Variants in ITFG1 observed in about 807,000 individuals in gnomAD.
The protein encoded by ITFG1 is T-cell immunomodulatory protein.
A neutral mutation model predicts 81.8 loss-of-function variants in ITFG1; 34 were observed. The ratio of observed to expected loss-of-function variants is 0.42; its 90% CI spans 0.32 to 0.55. ITFG1 has a LOEUF of 0.55. Ranked by LOEUF, ITFG1 falls within the 20% of genes least tolerant of loss-of-function variation. The probability of loss-of-function intolerance (pLI) is 0.17; values close to 1 mark genes in which losing one functional copy is unlikely to be tolerated. For synonymous variants in ITFG1, 285 were observed against 270.6 expected, an observed-to-expected ratio of 1.05 and a Z score of -0.52; for missense variants, 672 against 755.4, an observed-to-expected ratio of 0.89 and a Z score of 1.29.
intron 14 of ITFG1, among the ~76,000 whole-genome samples, chr16:47,212,043 G>A (rs1349541450): frequency 6.6e-6 from 1 of 151,434 alleles, no homozygotes; most frequent in South Asian, 2.1e-4. Context: ...TTGCAGGCAT[G>A]GGCTACCATG....
At chr16:47,307,010 C>T (rs1444939398) in intron 10 of ITFG1, among the ~76,000 whole-genome samples, 3 of 133,624 alleles carry the variant, frequency 2.2e-5, no homozygotes, top group Admixed American at 8.8e-5. Flanking sequence ...AGGAGAACGG[C>T]GTGAACCCGG....
At chr16:47,257,764 G>A (rs1596841011) in intron 12 of ITFG1, among the ~76,000 whole-genome samples, 1 of 152,146 alleles carries the variant, frequency 6.6e-6, no homozygotes, top group Non-Finnish European at 1.5e-5. Context: ...GAGAGAACCT[G>A]GAAGAAATGA....
In ITFG1 at chr16:47,258,758, A is replaced by G. The variant is rs181509791; in HGVS notation, c.1222-18T>C. 4 of 1,239,838 alleles carry G rather than the reference A, an allele frequency of 3.2e-6. No individual in the cohort carries two copies. The highest frequency in any genetic ancestry group is 2.3e-6 in the Non-Finnish European group (2 of 886,566). 76.8% of individuals were successfully genotyped at this position (1,239,838 alleles called of 1,614,324 possible). ...AAGATTCCCTGGAAAAAAACAAACAAAAATGGTAAGAACAAACTATTAGAC... is the reference window on the plus strand; with the variant it reads ...AAGATTCCCTGGAAAAAAACAAACAGAAATGGTAAGAACAAACTATTAGAC... On this transcript the variant is annotated intron_variant, in intron 11 of 17. Coordinates refer to ENST00000320640, the MANE Select transcript of ITFG1 (RefSeq NM_030790.5).
intron 5 of ITFG1, among the ~76,000 whole-genome samples, chr16:47,443,385 G>A (rs1222298864): frequency 6.6e-6 from 1 of 151,974 alleles, no homozygotes; most frequent in Non-Finnish European, 1.5e-5. Context: ...TGACCCAGAC[G>A]TCCCATTACT....
intron 6 of ITFG1, among the ~76,000 whole-genome samples, chr16:47,387,792 A>G (rs994267756): frequency 6.6e-6 from 1 of 152,234 alleles, no homozygotes; most frequent in Non-Finnish European, 1.5e-5. Context: ...CCAATAAAAA[A>G]TTATGAGACC....
intron 6 of ITFG1, among the ~76,000 whole-genome samples, chr16:47,419,383 C>T (rs550720979): frequency 2.1e-4 from 32 of 152,194 alleles, no homozygotes; most frequent in Non-Finnish European, 8.8e-5. Context: ...ATCCCCCCAT[C>T]TCAGCCTCCC....
chr16:47,209,314 T>G (rs1392094030), intron 14 of ITFG1, among the ~76,000 whole-genome samples: 1 of 152,186 alleles, frequency 6.6e-6, no homozygotes, highest in Non-Finnish European at 1.5e-5. Context: ...TACTGATCAT[T>G]ATATAACCAA....
At chr16:47,165,183 T>A (rs1343204340) in intron 14 of ITFG1, among the ~76,000 whole-genome samples, 1 of 152,212 alleles carries the variant, frequency 6.6e-6, no homozygotes, top group Non-Finnish European at 1.5e-5. Flanking sequence ...TTTTTCTACA[T>A]GCTTAAACTT....
chr16:47,268,494 C>A (rs1966303156), intron 10 of ITFG1, among the ~76,000 whole-genome samples: 1 of 152,192 alleles, frequency 6.6e-6, no homozygotes, highest in Non-Finnish European at 1.5e-5. Flanking sequence ...AGACATACTT[C>A]CCAACTCATC....
rs186806421 is a variant in ITFG1 at position 47,355,238 on chromosome 16, C to T, written c.802+10550G>A. 2.6e-3 allele frequency among the ~76,000 whole-genome samples: 389 copies of T among 152,126 alleles called. 4 individuals are homozygous for T. Among genetic ancestry groups the T allele is most frequent in the Non-Finnish European group, 3.2e-3 (219 of 67,972 alleles). ...AAAAGGAATGTAGTCCTGTCATTTA[C>T]GACAACATGGATGAACCTGGAGGTC... On this transcript the variant is annotated intron_variant, in intron 8 of 17. Transcript: ENST00000320640.
chr16:47,394,143 T>C (rs910807443), intron 6 of ITFG1, among the ~76,000 whole-genome samples: 2 of 152,156 alleles, frequency 1.3e-5, no homozygotes, highest in Non-Finnish European at 2.9e-5. Flanking sequence ...ACTCATTGCA[T>C]TATATTTTTA....
At position 47,337,137 on chromosome 16, in the gene ITFG1, C is replaced by CAA. The variant is rs5816576; in HGVS notation, c.803-23316_803-23315dup. ...TGGGTGACAAGAGCGAACTCTGTCT[C>CAA]AAAAAAAAAAAAAAAAGAAAAAGAA... On this transcript the variant is annotated intron_variant, in intron 8 of 17. Coordinates refer to ENST00000320640, the MANE Select transcript of ITFG1 (RefSeq NM_030790.5). Among the ~76,000 whole-genome samples, 204 of 80,876 alleles carry CAA rather than the reference C, an allele frequency of 2.5e-3. 5 individuals carry two copies. Among genetic ancestry groups the CAA allele is most frequent in the Middle Eastern group, 0.014 (2 of 148 alleles). 53.1% of individuals were successfully genotyped at this position (80,876 alleles called of 152,430 possible). A position where few individuals can be genotyped will look rare whatever the true frequency, so the allele number is the denominator to read the frequency against.
At chr16:47,220,315 G>A (rs999689673) in intron 13 of ITFG1, among the ~76,000 whole-genome samples, 7 of 152,148 alleles carry the variant, frequency 4.6e-5, no homozygotes, top group African/African-American at 1.2e-4. Context: ...AAGACATCTC[G>A]CGTTTTACAC....
intron 5 of ITFG1, among the ~76,000 whole-genome samples, chr16:47,434,064 T>C (rs1267338466): frequency 1.3e-5 from 2 of 150,964 alleles, no homozygotes; most frequent in African/African-American, 2.4e-5. Context: ...TAACTCAAGA[T>C]GGATTAAAGA....
chr16:47,397,314 A>G (rs866939573), intron 6 of ITFG1, among the ~76,000 whole-genome samples: 1 of 152,274 alleles, frequency 6.6e-6, no homozygotes, highest in Middle Eastern at 3.4e-3. Context: ...GAGGGAGCAC[A>G]GGGGTCAGGG....
At chr16:47,205,651 G>A (rs536739147) in intron 14 of ITFG1, among the ~76,000 whole-genome samples, 1 of 152,238 alleles carries the variant, frequency 6.6e-6, no homozygotes, top group African/African-American at 2.4e-5. Flanking sequence ...ACTACAGGAA[G>A]TAACCAGGCT....
intron 6 of ITFG1, among the ~76,000 whole-genome samples, chr16:47,404,005 A>G (rs1968696796): frequency 6.6e-6 from 1 of 152,052 alleles, no homozygotes; most frequent in Admixed American, 6.5e-5. Context: ...ATTTCATCAC[A>G]TATTACAATG....
chr16:47,383,861 G>A (rs1968426242), intron 6 of ITFG1, among the ~76,000 whole-genome samples: 1 of 152,216 alleles, frequency 6.6e-6, no homozygotes, highest in South Asian at 2.1e-4. Context: ...CCAAGATCGT[G>A]CCATTGCACT....
intron 10 of ITFG1, among the ~76,000 whole-genome samples, chr16:47,295,250 T>G (rs944687336): frequency 2.6e-5 from 4 of 152,214 alleles, no homozygotes; most frequent in Admixed American, 2.0e-4. Flanking sequence ...GATTTTTGCA[T>G]GTATGTTCAC....
Sources: gnomAD v4.1 joint callset for allele counts (sites outside exome capture counted in the v4.1 genomes callset) on GRCh38, gnomAD v4.1.1 for gene constraint, MANE v1.5 for transcripts, NCBI Gene and HGNC (gene_info 2026-07-23, HGNC 2026-07-21) for gene names.